KAZN: variants seen among roughly 807,000 people sequenced by gnomAD.
KAZN encodes the protein kazrin.
A neutral mutation model predicts 87.4 loss-of-function variants in KAZN; 40 were observed. The ratio of observed to expected loss-of-function variants is 0.46; its 90% CI spans 0.36 to 0.60. The LOEUF (loss-of-function observed/expected upper bound fraction) is 0.60. Ranked by LOEUF, KAZN falls within the 20% of genes least tolerant of loss-of-function variation. The probability of loss-of-function intolerance (pLI) is 0.00; values close to 1 mark genes in which losing one functional copy is unlikely to be tolerated. For synonymous variants in KAZN, 466 were observed against 458.3 expected (o/e 1.02, Z -0.22); for missense variants, 898 against 1,073.9 (o/e 0.84, Z 2.29).
intron 1 of KAZN, among the ~76,000 whole-genome samples, chr1:13,966,203 C>A (rs1385840041): frequency 1.5e-5 from 2 of 136,024 alleles, no homozygotes; most frequent in African/African-American, 5.3e-5. Context: ...TACTCCTTCC[C>A]TCCCTCCTAC....
intron 2 of KAZN, among the ~76,000 whole-genome samples, chr1:14,258,211 T>C (rs1197374348): frequency 9.2e-6 from 1 of 108,698 alleles, no homozygotes; most frequent in Non-Finnish European, 1.7e-5. Context: ...TCTTTCTTTC[T>C]TTCTTTCTTT....
intron 1 of KAZN, among the ~76,000 whole-genome samples, chr1:14,622,081 G>A (rs1328893259): frequency 6.6e-6 from 1 of 152,190 alleles, no homozygotes; most frequent in Non-Finnish European, 1.5e-5. Context: ...AGTTGAAGAG[G>A]CCATTTTAGA....
At chr1:15,071,100 C>A (rs1371277216) in intron 8 of KAZN, among the ~76,000 whole-genome samples, 1 of 152,114 alleles carries the variant, frequency 6.6e-6, no homozygotes, top group African/African-American at 2.4e-5. Flanking sequence ...CAAAATAATG[C>A]CCCCAAACTT....
At chr1:13,893,816 T>C (rs896905619) in intron 1 of KAZN, 53 of 1,537,094 alleles carry the variant, frequency 3.4e-5, no homozygotes, top group Non-Finnish European at 4.3e-5. Context: ...TTATCCCGGG[T>C]CCCCAAAAAC....
chr1:14,952,240 C>CTGTATGTGTGTGTG (rs373964583), intron 1 of KAZN, among the ~76,000 whole-genome samples: 1 of 143,916 alleles, frequency 6.9e-6, no homozygotes, highest in African/African-American at 2.7e-5. Context: ...TTCTTTCCCA[C>CTGTATGTGTGTGTG]TGTGTGTGTG....
intron 2 of KAZN, among the ~76,000 whole-genome samples, chr1:14,259,274 C>G (rs569118624): frequency 6.6e-6 from 1 of 152,172 alleles, no homozygotes; most frequent in South Asian, 2.1e-4. Flanking sequence ...TGCACAGCTG[C>G]GAGCCTCTGA....
intron 2 of KAZN, among the ~76,000 whole-genome samples, chr1:14,335,760 CAGAGAG>C (rs34561318): frequency 4.7e-5 from 7 of 149,376 alleles, no homozygotes; most frequent in Middle Eastern, 3.5e-3. Context: ...CACACACACA[CAGAGAG>C]AGAGAGAGAG....
At chr1:14,331,320 C>T (rs890326584) in intron 2 of KAZN, among the ~76,000 whole-genome samples, 1 of 152,080 alleles carries the variant, frequency 6.6e-6, no homozygotes, top group Admixed American at 6.5e-5. Flanking sequence ...AATCAGCTCC[C>T]GTCTTATATA....
chr1:14,457,389 G>A (rs1667621782), intron 2 of KAZN, among the ~76,000 whole-genome samples: 1 of 152,078 alleles, frequency 6.6e-6, no homozygotes, highest in Non-Finnish European at 1.5e-5. Context: ...TTGATTAGTA[G>A]AAGTTATTTG....
chr1:14,610,008 T>C (rs1459932703), intron 1 of KAZN, among the ~76,000 whole-genome samples: 1 of 152,240 alleles, frequency 6.6e-6, no homozygotes, highest in Non-Finnish European at 1.5e-5. Flanking sequence ...CCACTGCATC[T>C]TGTAAGGCCT....
intron 2 of KAZN, among the ~76,000 whole-genome samples, chr1:14,375,208 C>T (rs1660799722): frequency 6.6e-6 from 1 of 152,106 alleles, no homozygotes; most frequent in Admixed American, 6.5e-5. Flanking sequence ...TTTTATTAGT[C>T]ACAATAGCAT....
chr1:14,164,134 T>C (rs10429930), intron 1 of KAZN, among the ~76,000 whole-genome samples: 1 of 152,116 alleles, frequency 6.6e-6, no homozygotes, highest in Non-Finnish European at 1.5e-5. Flanking sequence ...ATAAATTACC[T>C]CCAATGCCTT....
chr1:14,179,354 T>C (rs181321539), intron 1 of KAZN, among the ~76,000 whole-genome samples: 2 of 152,382 alleles, frequency 1.3e-5, no homozygotes, highest in Non-Finnish European at 2.9e-5. Flanking sequence ...TGCATGGAGA[T>C]ATTAGGACTC....
intron 1 of KAZN, among the ~76,000 whole-genome samples, chr1:14,919,447 G>C (rs1658256733): frequency 6.6e-6 from 1 of 152,232 alleles, no homozygotes. Context: ...GAAGTGCTGG[G>C]ATTACAGGCA....
chr1:15,097,617 G>A (rs1246072136), intron 10 of KAZN, among the ~76,000 whole-genome samples: 4 of 152,142 alleles, frequency 2.6e-5, no homozygotes, highest in African/African-American at 7.2e-5. Context: ...TCAGGAGTTC[G>A]AGACCAGCCT....
chr1:14,550,672 A>G (rs1396453671), intron 2 of KAZN, among the ~76,000 whole-genome samples: 1 of 147,600 alleles, frequency 6.8e-6, no homozygotes, highest in Non-Finnish European at 1.5e-5. Context: ...ACAAAACCTA[A>G]ACAATCTAAG....
chr1:15,050,434 C>A (rs1674265439), intron 4 of KAZN, among the ~76,000 whole-genome samples: 1 of 152,176 alleles, frequency 6.6e-6, no homozygotes, highest in Non-Finnish European at 1.5e-5. Flanking sequence ...TAACCTTTTC[C>A]TGCCTCAGTT....
chr1:15,042,149 A>T (rs1672988972), intron 3 of KAZN, among the ~76,000 whole-genome samples: 1 of 152,166 alleles, frequency 6.6e-6, no homozygotes, highest in Non-Finnish European at 1.5e-5. Flanking sequence ...TGAACCAGTG[A>T]CTGCGATGAG....
chr1:14,701,725 AG>A (rs1466075339), intron 1 of KAZN, among the ~76,000 whole-genome samples: 4 of 152,156 alleles, frequency 2.6e-5, no homozygotes, highest in African/African-American at 4.8e-5. Context: ...TGAGCCCAGG[AG>A]GTCGAGGCTG....
Sources: gnomAD v4.1 joint callset for allele counts (sites outside exome capture counted in the v4.1 genomes callset) on GRCh38, gnomAD v4.1.1 for gene constraint, MANE v1.5 for transcripts, NCBI Gene and HGNC (gene_info 2026-07-23, HGNC 2026-07-21) for gene names.